Variants in MTHFSD observed in about 807,000 individuals in gnomAD.
MTHFSD encodes the protein methenyltetrahydrofolate synthase domain-containing protein.
In MTHFSD, 37 loss-of-function variants were observed where a neutral mutation model predicts 31.1. The observed-to-expected ratio is 1.19, with a 90% CI of 0.91 to 1.56. The LOEUF is 1.56. Among genes scored for constraint, MTHFSD ranks in the 40% most tolerant of loss-of-function variants. The pLI, the probability that MTHFSD is intolerant of heterozygous loss-of-function variation, is 0.00. For missense variants in MTHFSD, 664 were observed against 510.1 expected (o/e 1.30, Z -2.91); for synonymous variants, 221 against 206.9 (o/e 1.07, Z -0.59).
intron 7 of MTHFSD, among the ~76,000 whole-genome samples, chr16:86,538,709 G>A (rs1330081274): frequency 1.3e-5 from 2 of 152,184 alleles, no homozygotes; most frequent in South Asian, 2.1e-4. Flanking sequence ...GGAGCTGGAC[G>A]AACTGCCCAG....
Position 86,549,072 on chromosome 16 carries a change from A to G in MTHFSD, c.238-495T>C, listed in dbSNP as rs78265901. On this transcript the variant is annotated intron_variant, in intron 3 of 7. Transcript: ENST00000360900. ...ACAGTCAAAGAGATCAGTAATCATG[A>G]TAATCAATACACTGATACGTGCCAA... is the stretch of plus-strand genomic sequence containing the variant. Among the ~76,000 whole-genome samples the G allele has an allele frequency of 3.7e-3, 560 of 152,360 alleles. 2 individuals are homozygous for G. The highest frequency in any genetic ancestry group is 0.01 in the Middle Eastern group (3 of 294).
At chr16:86,545,459 G>A (rs549129434) in intron 5 of MTHFSD, among the ~76,000 whole-genome samples, 3 of 152,190 alleles carry the variant, frequency 2.0e-5, no homozygotes, top group African/African-American at 7.2e-5. Context: ...TCCAAGAGGG[G>A]ACCTTTGCTG....
chr16:86,538,381 C>T (rs1971010325), intron 7 of MTHFSD, among the ~76,000 whole-genome samples: 1 of 152,152 alleles, frequency 6.6e-6, no homozygotes, highest in Admixed American at 6.5e-5. Context: ...CTGCTGCTGT[C>T]CAGGTGCTCA....
intron 7 of MTHFSD, chr16:86,541,214 A>G: frequency 7.8e-7 from 1 of 1,289,738 alleles, no homozygotes; most frequent in South Asian, 1.2e-5. Flanking sequence ...GATAAAAACC[A>G]CAAATGCATA....
At chr16:86,533,379 C>T (rs1338005269) in intron 7 of MTHFSD, 1 of 152,238 alleles carries the variant, frequency 6.6e-6, no homozygotes, top group Non-Finnish European at 1.5e-5. Flanking sequence ...AACAGACAGA[C>T]ACTGTGTAGT....
chr16:86,537,869 TCC>T (rs1189097701), intron 7 of MTHFSD, among the ~76,000 whole-genome samples: 1 of 152,228 alleles, frequency 6.6e-6, no homozygotes, highest in African/African-American at 2.4e-5. Flanking sequence ...GAATCCAGTT[TCC>T]CTCATTAAGG....
Position 86,542,244 on chromosome 16 carries a change from T to A in MTHFSD, c.443-31A>T, listed in dbSNP as rs751589779. The stretch of plus-strand genomic sequence containing the variant: ...AGACAACCGAGAATCAGTATCGCTG[T>A]GCGGTCCGGGGCATCGCTGAGAAGT... On this transcript the variant is annotated intron_variant, in intron 5 of 7. Transcript: ENST00000360900. This position sits in a 1 kb window ranked among gnomAD's most constrained non-coding sequence, Gnocchi z 4.6. 6.3e-7 allele frequency: 1 copy of A among 1,582,634 alleles called. No homozygotes were observed. Among genetic ancestry groups the A allele is most frequent in the South Asian group, 1.1e-5 (1 of 90,278 alleles).
At chr16:86,549,950 C>T (rs1307390371) in intron 3 of MTHFSD, among the ~76,000 whole-genome samples, 3 of 151,750 alleles carry the variant, frequency 2.0e-5, no homozygotes, top group African/African-American at 7.3e-5. Context: ...GTGCCTGTAG[C>T]TGTGGCTTGA....
chr16:86,554,968 C>T, intron 1 of MTHFSD: 1 of 1,306,620 alleles, frequency 7.7e-7, no homozygotes, highest in Non-Finnish European at 1.0e-6. Context: ...CTTTATTTTT[C>T]CTGACATCTT....
Position 86,546,611 on chromosome 16 carries a change from G to A in MTHFSD, c.390C>T (p.Ser130=), listed in dbSNP as rs762066577. Reference sequence around the variant, plus strand: ...CCACAACTAAATCCACGAGGACTCTGGAGTCCAAGCCTATGGGGACACTGT... The same window carrying A: ...CCACAACTAAATCCACGAGGACTCTAGAGTCCAAGCCTATGGGGACACTGT... ...RNYSVPIGLD[S]RVLVDLVVVG... Residue 130 remains serine (S), a synonymous_variant, in exon 5 of 8, where the codon TCC becomes TCT. Coordinates refer to ENST00000360900, the MANE Select transcript of MTHFSD (RefSeq NM_001159377.2). The A allele has an allele frequency of 6.2e-7, 1 of 1,613,952 alleles. No individual in the cohort carries two copies. Among genetic ancestry groups the A allele is most frequent in the South Asian group, 1.1e-5 (1 of 91,086 alleles).
At chr16:86,554,512 T>A in intron 2 of MTHFSD, 133 bp downstream of exon 2, 1 of 737,500 alleles carries the variant, frequency 1.4e-6, no homozygotes, top group Non-Finnish European at 2.3e-6. Context: ...CCAAATGGCT[T>A]TGATTTCACA....
Position 86,531,837 on chromosome 16 carries a change from A to G in MTHFSD, c.*174T>C. 1 of 439,128 alleles carries G rather than the reference A, an allele frequency of 2.3e-6. No individual in the cohort carries two copies. 27.2% of individuals were successfully genotyped at this position (439,128 alleles called of 1,614,324 possible). On this transcript the variant is annotated 3_prime_UTR_variant, in exon 8 of 8. Coordinates refer to ENST00000360900, the MANE Select transcript of MTHFSD (RefSeq NM_001159377.2). This position sits in a 1 kb window ranked among gnomAD's most constrained non-coding sequence, Gnocchi z 5.5. ...ACCGCAGGGCGGCTTCCCCACTCAC[A>G]GGAGGGCCTGGGCGTTCACTGAGCG...
intron 2 of MTHFSD, among the ~76,000 whole-genome samples, chr16:86,552,568 C>G (rs1166456610): frequency 6.6e-6 from 1 of 152,200 alleles, no homozygotes; most frequent in Non-Finnish European, 1.5e-5. Flanking sequence ...TGTGTAACCA[C>G]CACCAAAATC....
At chr16:86,554,838 G>T in intron 1 of MTHFSD, 87 bp from the exon 2 acceptor site, 1 of 1,226,956 alleles carries the variant, frequency 8.2e-7, no homozygotes, top group Non-Finnish European at 1.2e-6. Flanking sequence ...AGCGACCCCC[G>T]CGTGTAGGTC....
intron 2 of MTHFSD, among the ~76,000 whole-genome samples, 158 bp downstream of exon 2, chr16:86,554,487 C>G (rs547844526): frequency 1.3e-5 from 2 of 152,314 alleles, no homozygotes; most frequent in Admixed American, 6.5e-5. Flanking sequence ...TCTCTAAATG[C>G]TAAGGACGCC....
chr16:86,540,753 C>T, intron 7 of MTHFSD: 1 of 990,036 alleles, frequency 1.0e-6, no homozygotes, highest in South Asian at 4.6e-5. Flanking sequence ...GAGCAGTGAC[C>T]ACCTTCTTTC....
At chr16:86,537,273 C>T (rs1303733222) in intron 7 of MTHFSD, among the ~76,000 whole-genome samples, 3 of 152,232 alleles carry the variant, frequency 2.0e-5, no homozygotes, top group East Asian at 1.9e-4. Flanking sequence ...TCTCTCTGCC[C>T]TTTAACATGA....
Position 86,542,069 on chromosome 16 carries a change from G to A in MTHFSD, c.555+32C>T, listed in dbSNP as rs762518178. 6.3e-7 allele frequency: 1 copy of A among 1,577,584 alleles called. No individual in the cohort carries two copies. On this transcript the variant is annotated intron_variant, in intron 6 of 7. Coordinates refer to ENST00000360900, the MANE Select transcript of MTHFSD (RefSeq NM_001159377.2). The surrounding 1 kb of genome is among the most constrained non-coding windows in gnomAD (Gnocchi z 4.6). ...CCTGCTCCCTCAGAAGAGAATGGCA[G>A]TGGCTCTGCTCAGCCCATTCATAAG...
intron 7 of MTHFSD, among the ~76,000 whole-genome samples, chr16:86,536,886 G>A (rs769273653): frequency 2.6e-5 from 4 of 152,228 alleles, no homozygotes; most frequent in Non-Finnish European, 4.4e-5. Context: ...GCAGCCGCGT[G>A]GTTCCCCTCA....
Sources: allele counts gnomAD v4.1 joint callset (sites outside exome capture counted in the v4.1 genomes callset), GRCh38; gene constraint gnomAD v4.1.1; non-coding constraint Gnocchi (gnomAD v3.1); transcripts MANE v1.5; gene names NCBI Gene and HGNC (gene_info 2026-07-23, HGNC 2026-07-21).